Variants in PAK1 observed in about 807,000 individuals in gnomAD.
PAK1 encodes p21 (RAC1) activated kinase 1, also known as serine/threonine-protein kinase PAK 1.
PAK1 carries 29 observed loss-of-function variants against 67.4 expected under a neutral mutation model. That is an observed-to-expected ratio of 0.43 (90% confidence interval 0.32 to 0.59). The LOEUF (loss-of-function observed/expected upper bound fraction) is 0.59. PAK1 is among the 20% of genes least tolerant of loss of function. PAK1 has a pLI of 0.07. For missense variants in PAK1, 337 were observed against 670.7 expected (o/e 0.50, Z 5.50); for synonymous variants, 223 against 237.4 (o/e 0.94, Z 0.56).
chr11:77,324,168 A>G (rs368845168), intron 14 of PAK1, among the ~76,000 whole-genome samples: 1 of 134,038 alleles, frequency 7.5e-6, no homozygotes, highest in South Asian at 2.4e-4. Flanking sequence ...ACAGAAAGCA[A>G]TTCCTTTTTT....
At chr11:77,347,498 T>C (rs535918939) in intron 9 of PAK1, among the ~76,000 whole-genome samples, 27 of 152,370 alleles carry the variant, frequency 1.8e-4, no homozygotes, top group African/African-American at 6.3e-4. Context: ...AGAGTTCTTT[T>C]CAGGATTGGT....
At chr11:77,428,800 G>C (rs1955698118) in intron 1 of PAK1, among the ~76,000 whole-genome samples, 1 of 151,734 alleles carries the variant, frequency 6.6e-6, no homozygotes, top group African/African-American at 2.4e-5. Context: ...TATCAGGAGA[G>C]AGGGGTGCCC....
the PAK1 span, among the ~76,000 whole-genome samples, chr11:77,485,007 G>A: frequency 6.6e-6 from 1 of 152,170 alleles, no homozygotes; most frequent in East Asian, 1.9e-4. Flanking sequence ...AATACTGTCA[G>A]ATCTTGTGAG....
chr11:77,454,161 G>A (rs113301531), intron 1 of PAK1, among the ~76,000 whole-genome samples: 4,862 of 152,118 alleles, frequency 0.032, 130 homozygotes, highest in African/African-American at 0.074. Context: ...GCTAAATTAC[G>A]TACTAGGCAC....
At chr11:77,496,199 A>G in the PAK1 span, among the ~76,000 whole-genome samples, 10 of 151,610 alleles carry the variant, frequency 6.6e-5, no homozygotes, top group African/African-American at 1.2e-4. Context: ...TTGTATTTTT[A>G]GTAGAGACGG....
At chr11:77,375,789 C>T (rs544261891) in intron 4 of PAK1, among the ~76,000 whole-genome samples, 71 of 152,274 alleles carry the variant, frequency 4.7e-4, no homozygotes, top group Non-Finnish European at 7.9e-4. Flanking sequence ...ACTGCCAATT[C>T]ACCACTAATA....
intron 1 of PAK1, among the ~76,000 whole-genome samples, chr11:77,444,058 A>T (rs1262320513): frequency 6.6e-6 from 1 of 152,200 alleles, no homozygotes; most frequent in East Asian, 1.9e-4. Context: ...AATTCCAGTG[A>T]CTTACCCATG....
Position 77,337,443 on chromosome 11 carries a change from A to AG in PAK1, c.1117-21dup, listed in dbSNP as rs1161987862. The AG allele has an allele frequency of 9.7e-6, 13 of 1,337,988 alleles. No homozygotes were observed. Among genetic ancestry groups the AG allele is most frequent in the Non-Finnish European group, 1.4e-5 (13 of 936,216 alleles). The allele number at this position is 1,337,988 out of a possible 1,614,324, so 82.9% of individuals were successfully genotyped here. A position where few individuals can be genotyped will look rare whatever the true frequency, so the allele number is the denominator to read the frequency against. On this transcript the variant is annotated intron_variant, in intron 11 of 14. Coordinates refer to ENST00000356341, the MANE Select transcript of PAK1 (RefSeq NM_002576.5). The stretch of plus-strand genomic sequence containing the variant: ...CAGACACTATTGAAGTGGTGTGGGC[A>AG]GGGGGAGAAAGAAAGGACATACATA...
At chr11:77,331,400 G>A (rs942534152) in intron 14 of PAK1, among the ~76,000 whole-genome samples, 3 of 152,136 alleles carry the variant, frequency 2.0e-5, no homozygotes, top group Admixed American at 1.3e-4. Flanking sequence ...GTCCAACAAC[G>A]ATAGACTGGA....
the PAK1 span, among the ~76,000 whole-genome samples, chr11:77,494,280 A>G: frequency 6.6e-6 from 1 of 152,266 alleles, no homozygotes; most frequent in Non-Finnish European, 1.5e-5. Context: ...ACTGAATACT[A>G]TGCAGGCATT....
chr11:77,334,110 G>C (rs546377119), intron 13 of PAK1, among the ~76,000 whole-genome samples: 1 of 151,412 alleles, frequency 6.6e-6, no homozygotes, highest in Non-Finnish European at 1.5e-5. Flanking sequence ...TGGAGGTTGC[G>C]GTGAGCTGAG....
intron 2 of PAK1, among the ~76,000 whole-genome samples, chr11:77,382,671 C>T: frequency 6.6e-6 from 1 of 152,292 alleles, no homozygotes; most frequent in Non-Finnish European, 1.5e-5. Flanking sequence ...CAATACAGCA[C>T]ATGGCTTACT....
chr11:77,349,187 C>A (rs1944880963), intron 9 of PAK1, 52 bp downstream of exon 9: 1 of 1,387,502 alleles, frequency 7.2e-7, no homozygotes, highest in East Asian at 2.4e-5. Context: ...AAATTAATCC[C>A]AAATAAAAAG....
the PAK1 span, among the ~76,000 whole-genome samples, chr11:77,490,129 C>A: frequency 6.6e-6 from 1 of 151,796 alleles, no homozygotes. Flanking sequence ...TGAGGAGCAT[C>A]TCTGCCTGGC....
At chr11:77,497,999 T>C in the PAK1 span, among the ~76,000 whole-genome samples, 1 of 152,200 alleles carries the variant, frequency 6.6e-6, no homozygotes, top group East Asian at 1.9e-4. Context: ...TACTTAACCT[T>C]AGTCTGTGCA....
chr11:77,365,731 G>A lies in PAK1; in HGVS notation c.478-6714C>T, dbSNP rs188922942. 5.7e-4 allele frequency among the ~76,000 whole-genome samples: 87 copies of A among 152,160 alleles called. 1 individual carries two copies. The East Asian group carries it at 6.2e-3, about 11-fold the overall frequency. The stretch of plus-strand genomic sequence containing the variant: ...ACCTGAAATCCCAGCTACTCGGGCG[G>A]CTGAGGCAAGAGAATCGCCTGAACT... On this transcript the variant is annotated intron_variant, in intron 5 of 14. Coordinates refer to ENST00000356341, the MANE Select transcript of PAK1 (RefSeq NM_002576.5).
At chr11:77,424,885 G>A (rs59695040) in intron 1 of PAK1, among the ~76,000 whole-genome samples, 4,899 of 152,210 alleles carry the variant, frequency 0.032, 131 homozygotes, top group African/African-American at 0.074. Context: ...CCTTGTTTAC[G>A]AAATGCTTCA....
At chr11:77,443,493 C>G (rs1956455539) in intron 1 of PAK1, among the ~76,000 whole-genome samples, 1 of 151,982 alleles carries the variant, frequency 6.6e-6, no homozygotes, top group African/African-American at 2.4e-5. Flanking sequence ...ATTACTGCCC[C>G]TCATAATAAC....
the PAK1 span, among the ~76,000 whole-genome samples, chr11:77,512,066 G>A: frequency 5.9e-5 from 9 of 152,238 alleles, no homozygotes; most frequent in African/African-American, 1.7e-4. Flanking sequence ...TACAAGAGTC[G>A]ATACTGCTAA....
Sources: gnomAD v4.1 joint callset for allele counts (sites outside exome capture counted in the v4.1 genomes callset) on GRCh38, gnomAD v4.1.1 for gene constraint, MANE v1.5 for transcripts, NCBI Gene and HGNC (gene_info 2026-07-23, HGNC 2026-07-21) for gene names.